The following GALNT14 variants were observed in gnomAD, a reference collection of about 807,000 sequenced individuals.
GALNT14 encodes UDP-GalNAc:polypeptide N-acetylgalactosaminyltransferase 14.
GALNT14 carries 60 observed loss-of-function variants against 77.5 expected under a neutral mutation model. That is an observed-to-expected ratio of 0.77 (90% CI 0.63 to 0.96). GALNT14 has a LOEUF of 0.96. Ranked by LOEUF, GALNT14 falls within the 40% of genes least tolerant of loss-of-function variation. The pLI is 0.00. For missense variants in GALNT14, 710 were observed against 731.0 expected, an observed-to-expected ratio of 0.97 and a Z score of 0.33; for synonymous variants, 280 against 281.7, an observed-to-expected ratio of 0.99 and a Z score of 0.06.
At chr2:31,075,960 C>G (rs940690257) in intron 1 of GALNT14, among the ~76,000 whole-genome samples, 4 of 152,196 alleles carry the variant, frequency 2.6e-5, no homozygotes, top group African/African-American at 9.7e-5. Context: ...GCAGAGAATT[C>G]CCTGAGCACA....
At chr2:31,023,388 C>T (rs1033310027) in intron 1 of GALNT14, among the ~76,000 whole-genome samples, 1 of 152,110 alleles carries the variant, frequency 6.6e-6, no homozygotes, top group South Asian at 2.1e-4. Flanking sequence ...GTGCCTCTTT[C>T]CTTACATTGT....
intron 6 of GALNT14, among the ~76,000 whole-genome samples, chr2:30,955,035 A>G (rs1667271180): frequency 6.6e-6 from 1 of 152,214 alleles, no homozygotes; most frequent in Non-Finnish European, 1.5e-5. Flanking sequence ...AATAATAAGA[A>G]AAATTAAATT....
chr2:31,115,692 T>C (rs970711617), intron 1 of GALNT14, among the ~76,000 whole-genome samples: 2 of 152,064 alleles, frequency 1.3e-5, no homozygotes, highest in African/African-American at 4.8e-5. Flanking sequence ...TGAATAAAAG[T>C]CTTCTAAAGG....
chr2:30,938,359 TACACAC>T (rs151007812), intron 9 of GALNT14, among the ~76,000 whole-genome samples: 4 of 140,882 alleles, frequency 2.8e-5, no homozygotes, highest in Non-Finnish European at 6.1e-5. Context: ...AGATTCCTTT[TACACAC>T]ACACACACAC....
At chr2:31,122,634 T>C (rs1678469178) in intron 1 of GALNT14, among the ~76,000 whole-genome samples, 1 of 152,228 alleles carries the variant, frequency 6.6e-6, no homozygotes, top group African/African-American at 2.4e-5. Flanking sequence ...CTAACCCTTC[T>C]GGCCCATGAG....
chr2:31,047,103 G>A (rs1483175138), intron 1 of GALNT14, among the ~76,000 whole-genome samples: 2 of 152,166 alleles, frequency 1.3e-5, no homozygotes, highest in Non-Finnish European at 2.9e-5. Flanking sequence ...AAGAACACAG[G>A]TTGCCTAACA....
chr2:30,937,546 G>T (rs1666127504), intron 9 of GALNT14, among the ~76,000 whole-genome samples: 1 of 152,146 alleles, frequency 6.6e-6, no homozygotes, highest in Non-Finnish European at 1.5e-5. Flanking sequence ...TCAACTTGGG[G>T]CCTCTCTCGG....
chr2:31,041,512 A>G (rs1673092313), intron 1 of GALNT14, among the ~76,000 whole-genome samples: 1 of 152,082 alleles, frequency 6.6e-6, no homozygotes, highest in Admixed American at 6.6e-5. Context: ...GGGGTAGAGT[A>G]AAAGTTTCAT....
At chr2:31,031,849 G>T (rs561369688) in intron 1 of GALNT14, among the ~76,000 whole-genome samples, 2 of 152,232 alleles carry the variant, frequency 1.3e-5, no homozygotes, top group South Asian at 4.2e-4. Flanking sequence ...CCACAGAGGG[G>T]CAAGAGCATG....
chr2:30,899,774 G>T, the GALNT14 span, among the ~76,000 whole-genome samples: 6 of 152,340 alleles, frequency 3.9e-5, no homozygotes, highest in Middle Eastern at 3.4e-3. Context: ...ATGGAAAAGT[G>T]CTCAGAGCTT....
At chr2:30,918,393 G>A (rs910929013) in intron 13 of GALNT14, among the ~76,000 whole-genome samples, 7 of 152,200 alleles carry the variant, frequency 4.6e-5, no homozygotes, top group African/African-American at 1.7e-4. Context: ...GTCTCTAAGA[G>A]GGTCACTGCA....
chr2:30,982,566 T>C (rs1041353279), intron 2 of GALNT14, among the ~76,000 whole-genome samples: 15 of 152,208 alleles, frequency 9.9e-5, no homozygotes, highest in Non-Finnish European at 2.1e-4. Flanking sequence ...CATGAGTACA[T>C]ACTGTGTAAT....
At chr2:30,997,931 C>G (rs112400815) in intron 1 of GALNT14, among the ~76,000 whole-genome samples, 13 of 152,078 alleles carry the variant, frequency 8.5e-5, no homozygotes, top group African/African-American at 2.9e-4. Flanking sequence ...ACTCTTTGAC[C>G]AACATCTCCC....
rs59179429 is a variant in GALNT14 at position 30,993,671 on chromosome 2, T to A, written c.130-664A>T. ...AGTAACAACCCTCACCGTACATGGA[T>A]AGAGCACTTCAGAATTGTAAGGTGG... On this transcript the variant is annotated intron_variant, in intron 1 of 14. Coordinates refer to ENST00000349752, the MANE Select transcript of GALNT14 (RefSeq NM_024572.4). 5.9e-3 allele frequency among the ~76,000 whole-genome samples: 904 copies of A among 152,326 alleles called. 4 individuals are homozygous for A. The highest frequency in any genetic ancestry group is 0.018 in the African/African-American group (768 of 41,578).
intron 1 of GALNT14, among the ~76,000 whole-genome samples, chr2:31,050,393 G>T (rs112856928): frequency 6.6e-6 from 1 of 152,154 alleles, no homozygotes; most frequent in Non-Finnish European, 1.5e-5. Flanking sequence ...AGATGGACAG[G>T]CATGACCAGC....
chr2:31,022,028 T>C (rs1408518532), intron 1 of GALNT14, among the ~76,000 whole-genome samples: 2 of 152,206 alleles, frequency 1.3e-5, no homozygotes, highest in Non-Finnish European at 2.9e-5. Context: ...GACACACCAG[T>C]ACATAATTAG....
At chr2:31,069,830 T>C (rs1286177417) in intron 1 of GALNT14, among the ~76,000 whole-genome samples, 2 of 152,220 alleles carry the variant, frequency 1.3e-5, no homozygotes, top group African/African-American at 2.4e-5. Flanking sequence ...TTTGGTTTTA[T>C]CTAATCCTGC....
At chr2:30,936,104 C>T (rs140632999) in intron 9 of GALNT14, among the ~76,000 whole-genome samples, 121 of 152,300 alleles carry the variant, frequency 7.9e-4, no homozygotes, top group African/African-American at 2.5e-3. Flanking sequence ...CCATCCTCAT[C>T]GGGGCACTGT....
the GALNT14 span, among the ~76,000 whole-genome samples, chr2:30,895,234 G>A: frequency 6.6e-6 from 1 of 152,268 alleles, no homozygotes; most frequent in African/African-American, 2.4e-5. Flanking sequence ...GGCAGTGGGG[G>A]GTCCCATTCT....
Sources: allele counts gnomAD v4.1 joint callset (sites outside exome capture counted in the v4.1 genomes callset), GRCh38; gene constraint gnomAD v4.1.1; transcripts MANE v1.5; gene names NCBI Gene and HGNC (gene_info 2026-07-23, HGNC 2026-07-21).